The following NTNG1 variants were observed in gnomAD, a reference collection of about 807,000 sequenced individuals.
NTNG1 encodes netrin G1.
A neutral mutation model predicts 54.0 loss-of-function variants in NTNG1; 16 were observed. The observed-to-expected ratio is 0.30, with a 90% CI of 0.20 to 0.45. The LOEUF is 0.45. NTNG1 is among the 20% of genes least tolerant of loss of function. The probability of loss-of-function intolerance (pLI) is 1.00; values close to 1 mark genes in which losing one functional copy is unlikely to be tolerated. For missense variants in NTNG1, 530 were observed against 678.7 expected, an observed-to-expected ratio of 0.78 and a Z score of 2.43; for synonymous variants, 255 against 263.1, an observed-to-expected ratio of 0.97 and a Z score of 0.30.
intron 2 of NTNG1, among the ~76,000 whole-genome samples, chr1:107,208,488 G>A (rs1336724922): frequency 6.6e-6 from 1 of 151,052 alleles, no homozygotes; most frequent in Admixed American, 6.6e-5. Flanking sequence ...ATACTTCTTT[G>A]CTTGCTTCTC....
chr1:107,470,323 T>TAACA (rs1399203179), intron 7 of NTNG1, among the ~76,000 whole-genome samples: 1 of 152,222 alleles, frequency 6.6e-6, no homozygotes, highest in Non-Finnish European at 1.5e-5. Context: ...TTTATTTTAT[T>TAACA]AACATTTTTA....
intron 2 of NTNG1, among the ~76,000 whole-genome samples, chr1:107,193,294 C>T (rs1379748210): frequency 6.6e-6 from 1 of 152,010 alleles, no homozygotes; most frequent in Non-Finnish European, 1.5e-5. Context: ...CAAGTTCTGC[C>T]TACTTGCTGC....
chr1:107,364,779 T>A (rs12037004), intron 3 of NTNG1, among the ~76,000 whole-genome samples: 12,322 of 152,216 alleles, frequency 0.081, 700 homozygotes, highest in East Asian at 0.18. Context: ...ATAAGAGTAG[T>A]TCCAAGTGCG....
At chr1:107,438,858 C>A (rs1452637440) in intron 7 of NTNG1, among the ~76,000 whole-genome samples, 4 of 152,164 alleles carry the variant, frequency 2.6e-5, no homozygotes. Context: ...TAAGCCTTAC[C>A]CTGCCACATA....
At chr1:107,378,871 A>G (rs1025375240) in intron 3 of NTNG1, among the ~76,000 whole-genome samples, 1 of 152,152 alleles carries the variant, frequency 6.6e-6, no homozygotes, top group Non-Finnish European at 1.5e-5. Context: ...CAGTCCCCCC[A>G]CACATGAAAC....
intron 7 of NTNG1, among the ~76,000 whole-genome samples, chr1:107,459,842 C>A (rs1044619365): frequency 6.6e-6 from 1 of 152,144 alleles, no homozygotes; most frequent in Non-Finnish European, 1.5e-5. Context: ...ATGGAGCCAG[C>A]CGGGTACTCC....
chr1:107,337,818 C>T (rs952242851), intron 3 of NTNG1, among the ~76,000 whole-genome samples: 5 of 151,846 alleles, frequency 3.3e-5, no homozygotes, highest in Non-Finnish European at 4.4e-5. Context: ...GAAGTTTGTA[C>T]GGGGCTTCAC....
chr1:107,374,714 T>C (rs1001885691), intron 3 of NTNG1, among the ~76,000 whole-genome samples: 1 of 152,142 alleles, frequency 6.6e-6, no homozygotes, highest in African/African-American at 2.4e-5. Context: ...TTTCAGTTGA[T>C]TATTTGTGTC....
chr1:107,399,735 G>A (rs1463603266), intron 4 of NTNG1, among the ~76,000 whole-genome samples: 1 of 152,156 alleles, frequency 6.6e-6, no homozygotes, highest in Non-Finnish European at 1.5e-5. Context: ...AGGGTTAAAG[G>A]GAGGATTTGA....
intron 2 of NTNG1, among the ~76,000 whole-genome samples, chr1:107,245,240 A>G (rs1308476711): frequency 6.6e-6 from 1 of 152,254 alleles, no homozygotes; most frequent in South Asian, 2.1e-4. Flanking sequence ...TTGATAAATT[A>G]TCAGCATGGC....
At chr1:107,445,175 A>C (rs528578143) in intron 7 of NTNG1, among the ~76,000 whole-genome samples, 1 of 152,198 alleles carries the variant, frequency 6.6e-6, no homozygotes, top group South Asian at 2.1e-4. Flanking sequence ...AAATTGTAGG[A>C]GTCAACACAG....
At chr1:107,455,897 T>C (rs1362749507) in intron 7 of NTNG1, among the ~76,000 whole-genome samples, 7 of 152,038 alleles carry the variant, frequency 4.6e-5, no homozygotes. Flanking sequence ...TCTAAAATGG[T>C]GTATGAGGAA....
chr1:107,358,643 G>A (rs1443703595), intron 3 of NTNG1, among the ~76,000 whole-genome samples: 8 of 150,622 alleles, frequency 5.3e-5, no homozygotes, highest in Admixed American at 1.3e-4. Flanking sequence ...AGGACCTTAC[G>A]ATGATAATCA....
intron 7 of NTNG1, among the ~76,000 whole-genome samples, chr1:107,441,034 G>A (rs148061714): frequency 2.2e-5 from 3 of 138,346 alleles, no homozygotes; most frequent in African/African-American, 7.7e-5. Context: ...ACATTGGAAA[G>A]AAAGAGAAAA....
intron 2 of NTNG1, among the ~76,000 whole-genome samples, chr1:107,275,302 G>A (rs1380181873): frequency 3.9e-5 from 6 of 152,080 alleles, no homozygotes; most frequent in South Asian, 2.1e-4. Flanking sequence ...GCGTGAATCC[G>A]GGAGGTGGAG....
intron 2 of NTNG1, among the ~76,000 whole-genome samples, chr1:107,195,573 C>A (rs1658259759): frequency 6.6e-6 from 1 of 151,740 alleles, no homozygotes; most frequent in African/African-American, 2.4e-5. Flanking sequence ...TGATTCCTAT[C>A]CTTCACTATT....
chr1:107,328,381 A>G (rs2101890284), intron 3 of NTNG1, among the ~76,000 whole-genome samples: 1 of 152,288 alleles, frequency 6.6e-6, no homozygotes. Flanking sequence ...AAGGTACATT[A>G]AAGGGCATCA....
At chr1:107,453,090 T>C (rs1294040924) in intron 7 of NTNG1, among the ~76,000 whole-genome samples, 1 of 152,250 alleles carries the variant, frequency 6.6e-6, no homozygotes, top group Non-Finnish European at 1.5e-5. Flanking sequence ...GAATGTTCAG[T>C]GACACTGAGA....
At chr1:107,261,206 A>T (rs186834983) in intron 2 of NTNG1, among the ~76,000 whole-genome samples, 1,739 of 152,324 alleles carry the variant, frequency 0.011, 31 homozygotes, top group African/African-American at 0.04. Flanking sequence ...TGGAGATATG[A>T]AAATGAACAA....
Sources: allele counts gnomAD v4.1 joint callset (sites outside exome capture counted in the v4.1 genomes callset), GRCh38; gene constraint gnomAD v4.1.1; transcripts MANE v1.5; gene names NCBI Gene and HGNC (gene_info 2026-07-23, HGNC 2026-07-21).